The following DNAH5 variants were observed in gnomAD, a reference collection of about 807,000 sequenced individuals.
The protein encoded by DNAH5 is dynein axonemal heavy chain 5, also known as axonemal beta dynein heavy chain 5.
In DNAH5, 372 loss-of-function variants were observed where a neutral mutation model predicts 518.2. That is an observed-to-expected ratio of 0.72 (90% CI 0.66 to 0.78). The LOEUF (loss-of-function observed/expected upper bound fraction) is 0.78. Among genes scored for constraint, DNAH5 ranks in the 30% least tolerant of loss-of-function variants. The pLI, the probability that DNAH5 is intolerant of heterozygous loss-of-function variation, is 0.00. For synonymous variants in DNAH5, 2,039 were observed against 2,025.9 expected (o/e 1.01, Z -0.17); for missense variants, 5,523 against 5,687.0 (o/e 0.97, Z 0.93).
Position 13,716,686 on chromosome 5 carries a change from A to C in DNAH5, c.12710T>G (p.Val4237Gly). Residue 4237 changes from valine to glycine, a missense_variant, in exon 74 of 79, where the codon GTC becomes GGC. Physicochemically the swap from Val to Gly is moderately radical, Grantham distance 109. Around this residue, in one of 3 missense-constraint regions of DNAH5, gnomAD observed 5,121 missense variants for 5,223.3 expected, o/e 0.98. Coordinates refer to ENST00000265104, the MANE Select transcript of DNAH5 (RefSeq NM_001369.3). The part of the protein sequence containing the change: ...HLDDMDVKKG[V>G]SWTTIRYMIG... ...CATGTAGCGGATGGTGGTCCAGGAG[A>C]CACCCTGGGAAATTTTATAGAATAA... The C allele has an allele frequency of 6.2e-7, 1 of 1,610,104 alleles. No individual in the cohort carries two copies. The highest frequency in any genetic ancestry group is 1.1e-5 in the South Asian group (1 of 90,954).
At chr5:13,710,178 T>C (rs533821188) in intron 75 of DNAH5, among the ~76,000 whole-genome samples, 2 of 152,084 alleles carry the variant, frequency 1.3e-5, no homozygotes, top group Admixed American at 6.5e-5. Context: ...CAGAGCCAGG[T>C]AGACTTGCTG....
intron 30 of DNAH5, among the ~76,000 whole-genome samples, chr5:13,857,593 C>T (rs1027462594): frequency 1.2e-4 from 18 of 152,248 alleles, no homozygotes; most frequent in East Asian, 7.7e-4. Context: ...GGAGGTATCA[C>T]GCTACCTGAT....
chr5:13,744,979 T>C (rs753814017), intron 65 of DNAH5, among the ~76,000 whole-genome samples: 11 of 152,096 alleles, frequency 7.2e-5, no homozygotes, highest in Non-Finnish European at 1.3e-4. Context: ...GTCTGTTTAA[T>C]GTCCTTCTTA....
Position 13,707,749 on chromosome 5 carries a change from C to G in DNAH5, c.13338+374G>C, listed in dbSNP as rs1199595075. ...GTGAGGCATGTTTCCTTCTATGAAA[C>G]CAACATCATGGACTTTGGAGTCCAG... is the stretch of plus-strand genomic sequence containing the variant. On this transcript the variant is annotated intron_variant, in intron 76 of 78. Coordinates refer to ENST00000265104, the MANE Select transcript of DNAH5 (RefSeq NM_001369.3). The surrounding 1 kb of genome is among the most constrained non-coding windows in gnomAD (Gnocchi z 4.0). Among the ~76,000 whole-genome samples, 1 of 151,944 alleles carries G rather than the reference C, an allele frequency of 6.6e-6. No homozygotes were observed. The highest frequency in any genetic ancestry group is 1.5e-5 in the Non-Finnish European group (1 of 67,996).
At position 13,867,969 on chromosome 5, in the gene DNAH5, T is replaced by A; in HGVS notation, c.3858A>T (p.Arg1286Ser). 6.2e-7 allele frequency: 1 copy of A among 1,612,920 alleles called. No homozygotes were observed. The highest frequency in any genetic ancestry group is 8.5e-7 in the Non-Finnish European group (1 of 1,179,688). Residue 1286 changes from arginine to serine, a missense_variant, in exon 25 of 79, where the codon AGA becomes AGT. Physicochemically the swap from Arg to Ser is moderately radical, Grantham distance 110. Around this residue, in one of 3 missense-constraint regions of DNAH5, gnomAD observed 5,121 missense variants for 5,223.3 expected, o/e 0.98. Coordinates refer to ENST00000265104, the MANE Select transcript of DNAH5 (RefSeq NM_001369.3). ...PIEESYALLNRYGLLIAREEI... is the reference protein window; with the variant it reads ...PIEESYALLNSYGLLIAREEI... ...CTTCCCTTGCTATCAGAAGTCCATA[T>A]CTGTTAAGCAGGGCATAAGATTCCT...
intron 1 of DNAH5, among the ~76,000 whole-genome samples, chr5:13,963,185 A>C (rs896892237): frequency 2.0e-5 from 3 of 152,086 alleles, no homozygotes; most frequent in African/African-American, 4.8e-5. Flanking sequence ...AAAGCCCCTG[A>C]CTCTGAGATG....
At chr5:14,010,604 A>T (rs1438718854) in intron 1 of DNAH5, among the ~76,000 whole-genome samples, 1 of 152,204 alleles carries the variant, frequency 6.6e-6, no homozygotes, top group Non-Finnish European at 1.5e-5. Context: ...AAAAAGAGCT[A>T]ACGAGTATGT....
At chr5:13,963,203 ACT>A (rs1781300792) in intron 1 of DNAH5, among the ~76,000 whole-genome samples, 1 of 151,920 alleles carries the variant, frequency 6.6e-6, no homozygotes, top group Non-Finnish European at 1.5e-5. Flanking sequence ...ATGACATACA[ACT>A]CTCTAAAAAC....
At chr5:13,821,636 C>A (rs1000624486) in intron 40 of DNAH5, among the ~76,000 whole-genome samples, 4 of 152,118 alleles carry the variant, frequency 2.6e-5, no homozygotes, top group Admixed American at 1.3e-4. Context: ...TCATGCTATG[C>A]TTGAACTCAC....
chr5:13,982,043 T>C (rs1782709535), intron 1 of DNAH5, among the ~76,000 whole-genome samples: 1 of 152,262 alleles, frequency 6.6e-6, no homozygotes, highest in Non-Finnish European at 1.5e-5. Context: ...AATGTTCATG[T>C]ATAACAACCA....
chr5:13,773,231 G>T (rs560313574), intron 55 of DNAH5, among the ~76,000 whole-genome samples: 1 of 152,088 alleles, frequency 6.6e-6, no homozygotes, highest in Admixed American at 6.5e-5. Context: ...GATTTAAAAC[G>T]ATTTAAATGT....
Position 13,707,815 on chromosome 5 carries a change from T to G in DNAH5, c.13338+308A>C, listed in dbSNP as rs1439825562. ...TTCTGATTCTTGGACTACTTAGATG[T>G]GTAATCTGAGAAAAGACTTAACCTG... On this transcript the variant is annotated intron_variant, in intron 76 of 78. Coordinates refer to ENST00000265104, the MANE Select transcript of DNAH5 (RefSeq NM_001369.3). The surrounding 1 kb of genome is among the most constrained non-coding windows in gnomAD (Gnocchi z 4.0). Among the ~76,000 whole-genome samples the G allele has an allele frequency of 6.6e-6, 1 of 152,166 alleles. No homozygotes were observed. Among genetic ancestry groups the G allele is most frequent in the Non-Finnish European group, 1.5e-5 (1 of 68,032 alleles).
chr5:13,701,686 C>A (rs1340537629), intron 76 of DNAH5, among the ~76,000 whole-genome samples: 2 of 152,164 alleles, frequency 1.3e-5, no homozygotes, highest in Admixed American at 1.3e-4. Flanking sequence ...GATAAATTCA[C>A]AGAGCTGTTC....
At position 13,788,960 on chromosome 5, in the gene DNAH5, G is replaced by A. The variant is rs563306042; in HGVS notation, c.8449-46C>T. ...ATGTGTTAGTAATTCCTGTTATGCCGTAATTGGGAATTCAGGTTGACAGTA... is the reference window on the plus strand; with the variant it reads ...ATGTGTTAGTAATTCCTGTTATGCCATAATTGGGAATTCAGGTTGACAGTA... On this transcript the variant is annotated intron_variant, in intron 50 of 78. Transcript: ENST00000265104. 206 of 1,544,928 alleles carry A rather than the reference G, an allele frequency of 1.3e-4. 4 individuals are homozygous for A. Among genetic ancestry groups the A allele is most frequent in the South Asian group, 9.3e-4 (83 of 89,324 alleles).
intron 12 of DNAH5, among the ~76,000 whole-genome samples, chr5:13,903,349 A>G (rs1383633948): frequency 6.6e-6 from 1 of 152,080 alleles, no homozygotes; most frequent in Admixed American, 6.5e-5. Context: ...CATGGAAGAT[A>G]GAAAAATAAG....
chr5:13,890,136 G>A (rs1353630287), intron 17 of DNAH5, among the ~76,000 whole-genome samples: 9 of 152,194 alleles, frequency 5.9e-5, no homozygotes, highest in Non-Finnish European at 7.4e-5. Flanking sequence ...GCCGGGCGCA[G>A]TGGCTCACGC....
At chr5:13,748,552 C>T (rs1047526725) in intron 65 of DNAH5, among the ~76,000 whole-genome samples, 2 of 152,098 alleles carry the variant, frequency 1.3e-5, no homozygotes, top group African/African-American at 4.8e-5. Flanking sequence ...TCTTTTATTT[C>T]GTTTAGCAGT....
chr5:13,998,510 A>T (rs189805), intron 1 of DNAH5, among the ~76,000 whole-genome samples: 110,218 of 152,156 alleles, frequency 0.72, 40,288 homozygotes, highest in East Asian at 0.96. Flanking sequence ...TTCCCACGTA[A>T]GTGAAGGGCT....
chr5:13,971,406 A>G (rs927557690), intron 1 of DNAH5, among the ~76,000 whole-genome samples: 1 of 152,166 alleles, frequency 6.6e-6, no homozygotes, highest in Admixed American at 6.5e-5. Context: ...GTAGACTATT[A>G]TCAGAGAAAA....
Sources: allele counts gnomAD v4.1 joint callset (sites outside exome capture counted in the v4.1 genomes callset), GRCh38; gene constraint gnomAD v4.1.1; regional missense constraint gnomAD v4.1.1; non-coding constraint Gnocchi (gnomAD v3.1); transcripts MANE v1.5; gene names NCBI Gene and HGNC (gene_info 2026-07-23, HGNC 2026-07-21).